PEBP4: variants seen among roughly 807,000 people sequenced by gnomAD.
PEBP4 encodes phosphatidylethanolamine binding protein 4.
Under a neutral mutation model 23.9 loss-of-function variants are expected in PEBP4, and 22 were observed. The observed-to-expected ratio is 0.92, with a 90% confidence interval of 0.66 to 1.31. PEBP4 has a LOEUF of 1.31. Among genes scored for constraint, PEBP4 ranks in the 40% most tolerant of loss-of-function variants. The pLI is 0.00. For synonymous variants in PEBP4, 112 were observed against 99.3 expected, an observed-to-expected ratio of 1.13 and a Z score of -0.76; for missense variants, 324 against 281.7, an observed-to-expected ratio of 1.15 and a Z score of -1.07.
chr8:22,841,136 C>T (rs193220538), intron 3 of PEBP4, among the ~76,000 whole-genome samples: 3 of 152,348 alleles, frequency 2.0e-5, no homozygotes, highest in Admixed American at 2.0e-4. Flanking sequence ...GAAGAGAAAA[C>T]TGAGGCTTAG....
chr8:22,714,685 G>A (rs1309072397), intron 6 of PEBP4, among the ~76,000 whole-genome samples: 2 of 151,956 alleles, frequency 1.3e-5, no homozygotes, highest in African/African-American at 4.8e-5. Flanking sequence ...AGACAGAAGA[G>A]GGCAAGGGGT....
At chr8:22,723,190 G>A (rs1040719580) in intron 6 of PEBP4, among the ~76,000 whole-genome samples, 9 of 152,088 alleles carry the variant, frequency 5.9e-5, no homozygotes, top group African/African-American at 1.7e-4. Flanking sequence ...ACCAAACAAC[G>A]CGTTTCAGGC....
At chr8:22,860,998 T>C (rs1321256881) in intron 3 of PEBP4, among the ~76,000 whole-genome samples, 1 of 152,230 alleles carries the variant, frequency 6.6e-6, no homozygotes, top group Non-Finnish European at 1.5e-5. Flanking sequence ...CAGCACAGTA[T>C]ATTCAACATA....
At chr8:22,793,627 T>C (rs539260225) in intron 4 of PEBP4, among the ~76,000 whole-genome samples, 1 of 152,278 alleles carries the variant, frequency 6.6e-6, no homozygotes, top group African/African-American at 2.4e-5. Context: ...CAACTGTGTC[T>C]TGTTGGACAA....
chr8:22,874,259 A>G (rs1325323154), intron 3 of PEBP4, among the ~76,000 whole-genome samples: 1 of 151,990 alleles, frequency 6.6e-6, no homozygotes, highest in Admixed American at 6.6e-5. Context: ...AATGAAGAGG[A>G]AAAAAAATTA....
intron 3 of PEBP4, among the ~76,000 whole-genome samples, chr8:22,854,970 C>A (rs1807610996): frequency 7.5e-6 from 1 of 134,042 alleles, no homozygotes; most frequent in African/African-American, 2.8e-5. Flanking sequence ...GCAAGCTTGT[C>A]CAAATGAGTG....
At chr8:22,802,871 G>A (rs771468761) in intron 4 of PEBP4, among the ~76,000 whole-genome samples, 17 of 152,164 alleles carry the variant, frequency 1.1e-4, no homozygotes, top group Non-Finnish European at 1.8e-4. Flanking sequence ...TCAGAGCCTG[G>A]TGTTATCATC....
intron 3 of PEBP4, among the ~76,000 whole-genome samples, chr8:22,873,405 G>C (rs550553445): frequency 4.8e-4 from 73 of 152,222 alleles, no homozygotes; most frequent in Middle Eastern, 3.4e-3. Flanking sequence ...AAGGCGAGGA[G>C]GATTGTTTGA....
At position 22,793,009 on chromosome 8, in the gene PEBP4, C is replaced by T. The variant is rs1242750814; in HGVS notation, c.357+24628G>A. ...TAAGTACAATTTTAAAATTGGATTA[C>T]AAAATTATATATATTATAGAAAATT... is the stretch of plus-strand genomic sequence containing the variant. On this transcript the variant is annotated intron_variant, in intron 4 of 6. Coordinates refer to ENST00000256404, the MANE Select transcript of PEBP4 (RefSeq NM_144962.3). Among the ~76,000 whole-genome samples, 3 of 152,138 alleles carry T rather than the reference C, an allele frequency of 2.0e-5. No homozygotes were observed. The East Asian group carries it at 5.8e-4, about 29-fold the overall frequency.
chr8:22,723,080 C>A (rs1467141288), intron 6 of PEBP4, among the ~76,000 whole-genome samples: 1 of 152,092 alleles, frequency 6.6e-6, no homozygotes, highest in Admixed American at 6.5e-5. Flanking sequence ...CGCGCCCAGC[C>A]TGGGAGGGCC....
chr8:22,865,265 A>G lies in PEBP4; in HGVS notation c.259-47530T>C, dbSNP rs1807862891. On this transcript the variant is annotated intron_variant, in intron 3 of 6. Coordinates refer to ENST00000256404, the MANE Select transcript of PEBP4 (RefSeq NM_144962.3). The surrounding 1 kb of genome is among the most constrained non-coding windows in gnomAD (Gnocchi z 6.9). ...AAGGTGTTTTTGCGAAAATGACAAA[A>G]CAACTCCTTGCTCAGGGCAGCCCGG... is the stretch of plus-strand genomic sequence containing the variant. Among the ~76,000 whole-genome samples the G allele has an allele frequency of 6.6e-6, 1 of 152,054 alleles. No individual in the cohort carries two copies. Among genetic ancestry groups the G allele is most frequent in the African/African-American group, 2.4e-5 (1 of 41,408 alleles).
At chr8:22,838,472 C>T (rs1807252885) in intron 3 of PEBP4, among the ~76,000 whole-genome samples, 1 of 152,178 alleles carries the variant, frequency 6.6e-6, no homozygotes, top group African/African-American at 2.4e-5. Flanking sequence ...TTGGGAGACT[C>T]GAAGCCTCTG....
chr8:22,846,014 G>T (rs570186741), intron 3 of PEBP4, among the ~76,000 whole-genome samples: 1 of 152,228 alleles, frequency 6.6e-6, no homozygotes, highest in Non-Finnish European at 1.5e-5. Context: ...TGGGACAGCC[G>T]CTAAGTGGGG....
At chr8:22,845,067 G>T (rs1047897786) in intron 3 of PEBP4, among the ~76,000 whole-genome samples, 16 of 152,300 alleles carry the variant, frequency 1.1e-4, no homozygotes, top group African/African-American at 2.6e-4. Flanking sequence ...AGGGGAATCA[G>T]TTGCCCAGAC....
At chr8:22,926,507 G>T (rs1158834992) in intron 2 of PEBP4, among the ~76,000 whole-genome samples, 1 of 151,902 alleles carries the variant, frequency 6.6e-6, no homozygotes, top group African/African-American at 2.4e-5. Context: ...AGCATGCTTG[G>T]CTAGTTTTTA....
chr8:22,822,944 TA>T (rs1360541712), intron 3 of PEBP4, among the ~76,000 whole-genome samples: 1 of 151,930 alleles, frequency 6.6e-6, no homozygotes, highest in East Asian at 1.9e-4. Flanking sequence ...CATCACAGAA[TA>T]ATTCTAAAGG....
intron 3 of PEBP4, among the ~76,000 whole-genome samples, chr8:22,845,297 G>T (rs1307967675): frequency 6.6e-6 from 1 of 151,716 alleles, no homozygotes; most frequent in African/African-American, 2.4e-5. Flanking sequence ...ACTCTGGGAG[G>T]CCAAGGCAGG....
intron 4 of PEBP4, among the ~76,000 whole-genome samples, chr8:22,768,266 C>T (rs9644025): frequency 0.95 from 144,758 of 152,198 alleles, 69,289 homozygotes; most frequent in East Asian, 1. Context: ...GTAGATGCCT[C>T]TTTGGGGCTG....
chr8:22,841,274 G>T (rs1807323193), intron 3 of PEBP4, among the ~76,000 whole-genome samples: 4 of 152,282 alleles, frequency 2.6e-5, no homozygotes, highest in Admixed American at 2.0e-4. Context: ...CTTTGAGGGG[G>T]TGGAAGCAGG....
Sources: allele counts gnomAD v4.1 joint callset (sites outside exome capture counted in the v4.1 genomes callset), GRCh38; gene constraint gnomAD v4.1.1; non-coding constraint Gnocchi (gnomAD v3.1); transcripts MANE v1.5; gene names NCBI Gene and HGNC (gene_info 2026-07-23, HGNC 2026-07-21).